ACSM3: variants seen among roughly 807,000 people sequenced by gnomAD.
ACSM3 encodes acyl-CoA synthetase medium chain family member 3.
Under a neutral mutation model 74.1 loss-of-function variants are expected in ACSM3, and 61 were observed. The ratio of observed to expected loss-of-function variants is 0.82; its 90% confidence interval spans 0.67 to 1.02. The LOEUF is 1.02. Among genes scored for constraint, ACSM3 ranks in the 50% least tolerant of loss-of-function variants. ACSM3 has a pLI of 0.00. For missense variants in ACSM3, 660 were observed against 697.0 expected (o/e 0.95, Z 0.60); for synonymous variants, 213 against 241.5 (o/e 0.88, Z 1.09).
At chr16:20,770,757 A>T (rs1305625344) in intron 2 of ACSM3, among the ~76,000 whole-genome samples, 1 of 152,154 alleles carries the variant, frequency 6.6e-6, no homozygotes. Context: ...TGTTATGTTT[A>T]GTTATGTAAT....
chr16:20,784,509 G>A (rs1390824108), intron 7 of ACSM3: 1 of 152,714 alleles, frequency 6.5e-6, no homozygotes, highest in Non-Finnish European at 1.5e-5. Flanking sequence ...TGTTATTATG[G>A]TGCTCACTTC....
At chr16:20,778,756 A>C (rs1356629317) in intron 4 of ACSM3, among the ~76,000 whole-genome samples, 3 of 149,678 alleles carry the variant, frequency 2.0e-5, no homozygotes, top group Non-Finnish European at 4.5e-5. Flanking sequence ...AGCTATAGAT[A>C]CTTTTTTTTT....
At chr16:20,747,705 C>T (rs1365466171) in intron 1 of ACSM3, among the ~76,000 whole-genome samples, 3 of 152,262 alleles carry the variant, frequency 2.0e-5, no homozygotes, top group Non-Finnish European at 4.4e-5. Flanking sequence ...ATGGTGGCAT[C>T]TCAGTTTAAT....
At chr16:20,685,554 G>A (rs1158351260) in intron 1 of ACSM3, 8 of 744,432 alleles carry the variant, frequency 1.1e-5, no homozygotes, top group Non-Finnish European at 1.8e-5. Flanking sequence ...AGGCGCAGTG[G>A]CTCATGCTTG....
intron 1 of ACSM3, among the ~76,000 whole-genome samples, chr16:20,688,646 A>AC (rs2079597151): frequency 6.6e-6 from 1 of 152,122 alleles, no homozygotes; most frequent in African/African-American, 2.4e-5. Flanking sequence ...AGAAAAAAAA[A>AC]GCCAACCAAG....
chr16:20,779,735 G>A (rs1304300798), intron 4 of ACSM3: 1 of 155,914 alleles, frequency 6.4e-6, no homozygotes, highest in Non-Finnish European at 1.4e-5. Flanking sequence ...ACTCTCTTGT[G>A]GGAAACAGAA....
At chr16:20,708,410 GAACT>G (rs760947565) in intron 1 of ACSM3, among the ~76,000 whole-genome samples, 7 of 152,104 alleles carry the variant, frequency 4.6e-5, no homozygotes, top group African/African-American at 1.4e-4. Context: ...TCTGCAAACA[GAACT>G]AATAAACAAA....
At chr16:20,714,002 C>T (rs2079752630) in intron 1 of ACSM3, among the ~76,000 whole-genome samples, 1 of 152,178 alleles carries the variant, frequency 6.6e-6, no homozygotes, top group Admixed American at 6.5e-5. Context: ...TCTCACCCTC[C>T]TTCTGACTCT....
rs370562507 is a variant in ACSM3 at position 20,797,100 on chromosome 16, T to A, written c.*128T>A. 2.3e-5 allele frequency: 33 copies of A among 1,411,558 alleles called. No homozygotes were observed. In the East Asian group the frequency reaches 5.8e-4, roughly 25 times the overall value. The allele number at this position is 1,411,558 out of a possible 1,614,324, so 87.4% of individuals were successfully genotyped here. On this transcript the variant is annotated 3_prime_UTR_variant, in exon 14 of 14. Coordinates refer to ENST00000289416, the MANE Select transcript of ACSM3 (RefSeq NM_005622.4). ...TTAGAAACTGTTGATTTAAAATATC[T>A]TGTGGTTATGATATCAGAGGCTAAA... is the stretch of plus-strand genomic sequence containing the variant.
intron 1 of ACSM3, among the ~76,000 whole-genome samples, chr16:20,676,793 A>G (rs1245643115): frequency 6.6e-6 from 1 of 152,140 alleles, no homozygotes; most frequent in Admixed American, 6.5e-5. Context: ...ACGGTGCAAA[A>G]GGAAATGACA....
intron 8 of ACSM3, among the ~76,000 whole-genome samples, chr16:20,785,635 T>C (rs1466180681): frequency 1.3e-5 from 2 of 152,132 alleles, no homozygotes; most frequent in African/African-American, 2.4e-5. Context: ...CAACAGTGGT[T>C]ATTTTGTAGA....
At chr16:20,782,609 T>C (rs1381936174) in intron 7 of ACSM3, among the ~76,000 whole-genome samples, 1 of 152,202 alleles carries the variant, frequency 6.6e-6, no homozygotes, top group Non-Finnish European at 1.5e-5. Flanking sequence ...ATTATCTCCG[T>C]GGAGGCAGCA....
chr16:20,728,421 G>A lies in ACSM3; in HGVS notation c.-189-21489G>A, dbSNP rs1442192807. On this transcript the variant is annotated intron_variant, in intron 1 of 3. Transcript: ENST00000561584. ...TGAAAATGGCAATGTTCTACCACCT[G>A]GCAAAGAAGGGGAAATTGCCCTCAG... 11 of 1,429,490 alleles carry A rather than the reference G, an allele frequency of 7.7e-6. No homozygotes were observed. In the East Asian group the frequency reaches 1.9e-4, roughly 24 times the overall value. The allele number at this position is 1,429,490 out of a possible 1,614,324, so 88.6% of individuals were successfully genotyped here.
At chr16:20,722,103 A>G (rs1420349754) in intron 1 of ACSM3, 1 of 152,228 alleles carries the variant, frequency 6.6e-6, no homozygotes, top group Non-Finnish European at 1.5e-5. Context: ...GTTTGAGACA[A>G]TGACTTCTTG....
Position 20,797,037 on chromosome 16 carries a change from A to G in ACSM3, c.*65A>G. ...GTATCTGTCAATCTCTAGAAACCAC[A>G]AGATGATGGAGAGGTCATAAAAACT... On this transcript the variant is annotated 3_prime_UTR_variant, in exon 14 of 14. Transcript: ENST00000289416. 1 of 1,575,082 alleles carries G rather than the reference A, an allele frequency of 6.3e-7. No homozygotes were observed. Among genetic ancestry groups the G allele is most frequent in the Non-Finnish European group, 8.6e-7 (1 of 1,164,716 alleles).
chr16:20,711,776 G>A, intron 1 of ACSM3: 2 of 364,714 alleles, frequency 5.5e-6, no homozygotes, highest in Non-Finnish European at 1.1e-5. Context: ...CAGGAACACT[G>A]TGAGTTGATC....
chr16:20,730,127 T>C (rs1461637492), intron 1 of ACSM3, among the ~76,000 whole-genome samples: 1 of 152,168 alleles, frequency 6.6e-6, no homozygotes, highest in Non-Finnish European at 1.5e-5. Flanking sequence ...CATATGTCTA[T>C]CATTGGAGGT....
chr16:20,692,925 C>T (rs749993019), intron 1 of ACSM3, among the ~76,000 whole-genome samples: 17 of 152,016 alleles, frequency 1.1e-4, no homozygotes, highest in Non-Finnish European at 2.2e-4. Context: ...AATCCCAGCC[C>T]TTTGGGAGGC....
At position 20,792,132 on chromosome 16, in the gene ACSM3, A is replaced by C; in HGVS notation, c.1454+3A>C. On this transcript the variant is annotated splice_donor_region_variant and intron_variant, in intron 11 of 13. Coordinates refer to ENST00000289416, the MANE Select transcript of ACSM3 (RefSeq NM_005622.4). Reference sequence around the variant, plus strand: ...GATGATGTCATATTATCCTCTGGGTAACTTTCTTTTCCATATGTGCATATG... The same window carrying C: ...GATGATGTCATATTATCCTCTGGGTCACTTTCTTTTCCATATGTGCATATG... 2 of 1,614,154 alleles carry C rather than the reference A, an allele frequency of 1.2e-6. No individual in the cohort carries two copies. The highest frequency in any genetic ancestry group is 3.3e-5 in the Admixed American group (2 of 60,028).
Sources: allele counts gnomAD v4.1 joint callset (sites outside exome capture counted in the v4.1 genomes callset), GRCh38; gene constraint gnomAD v4.1.1; transcripts MANE v1.5; gene names NCBI Gene and HGNC (gene_info 2026-07-23, HGNC 2026-07-21).